The following CDH17 variants were observed in gnomAD, a reference collection of about 807,000 sequenced individuals.
CDH17 encodes cadherin 17.
CDH17 carries 67 observed loss-of-function variants against 86.3 expected under a neutral mutation model. The ratio of observed to expected loss-of-function variants is 0.78; its 90% CI spans 0.64 to 0.95. CDH17 has a LOEUF of 0.95. CDH17 is among the 40% of genes least tolerant of loss of function. CDH17 has a pLI of 0.00. For synonymous variants in CDH17, 367 were observed against 366.4 expected, an observed-to-expected ratio of 1.00 and a Z score of -0.02; for missense variants, 993 against 1,017.6, an observed-to-expected ratio of 0.98 and a Z score of 0.33.
chr8:94,154,610 T>C (rs886324723), intron 12 of CDH17, among the ~76,000 whole-genome samples: 5 of 152,174 alleles, frequency 3.3e-5, no homozygotes, highest in Middle Eastern at 3.2e-3. Context: ...TTAACAGGGC[T>C]ACCCAAGAGT....
chr8:94,178,079 T>C (rs1691694047), intron 3 of CDH17, among the ~76,000 whole-genome samples: 1 of 152,180 alleles, frequency 6.6e-6, no homozygotes, highest in Non-Finnish European at 1.5e-5. Context: ...AATATGTCAT[T>C]TAGCACTTCT....
In CDH17 at chr8:94,200,532, CTTTTGTTTTTTTTTTTT is replaced by C. The variant is rs1563590291; in HGVS notation, c.-20-5844_-20-5828del. Among the ~76,000 whole-genome samples, 23 of 50,242 alleles carry C rather than the reference CTTTTGTTTTTTTTTTTT, an allele frequency of 4.6e-4. No homozygotes were observed. In the South Asian group the frequency reaches 0.013, roughly 28 times the overall value. The allele number at this position is 50,242 out of a possible 152,430, so 33.0% of individuals were successfully genotyped here. The stretch of plus-strand genomic sequence containing the variant: ...TAGATCAGAGGGTTATTATTATTAT[CTTTTGTTTTTTTTTTTT>C]TTTTTTTTTTTTTTTTTTTACAAAA... On this transcript the variant is annotated intron_variant, in intron 1 of 17. Coordinates refer to ENST00000027335, the MANE Select transcript of CDH17 (RefSeq NM_004063.4).
intron 15 of CDH17, among the ~76,000 whole-genome samples, chr8:94,145,596 T>C (rs1048588670): frequency 3.3e-5 from 5 of 152,212 alleles, no homozygotes; most frequent in Admixed American, 1.3e-4. Flanking sequence ...TAAAATTGTA[T>C]ACTTTGAATA....
chr8:94,217,123 T>G (rs556502551), intron 1 of CDH17: 7 of 152,088 alleles, frequency 4.6e-5, no homozygotes, highest in African/African-American at 1.7e-4. Context: ...ATAATAAGAA[T>G]AAAGCCTGAG....
chr8:94,172,326 T>C (rs2514812), intron 7 of CDH17, among the ~76,000 whole-genome samples: 116,277 of 151,186 alleles, frequency 0.77, 45,851 homozygotes, highest in African/African-American at 0.91. Flanking sequence ...TCCTTTTTTT[T>C]CCCTCCTGAA....
chr8:94,142,820 C>T (rs1486152476), intron 15 of CDH17, among the ~76,000 whole-genome samples: 1 of 152,146 alleles, frequency 6.6e-6, no homozygotes, highest in Non-Finnish European at 1.5e-5. Context: ...CATGAGAGTG[C>T]AGCAATTCAG....
chr8:94,177,134 G>A (rs1262788252), intron 4 of CDH17, among the ~76,000 whole-genome samples: 1 of 152,194 alleles, frequency 6.6e-6, no homozygotes, highest in Admixed American at 6.5e-5. Context: ...GAGAAAGAGA[G>A]GGAGACGGGT....
intron 1 of CDH17, among the ~76,000 whole-genome samples, chr8:94,199,304 A>G (rs1813860203): frequency 6.6e-6 from 1 of 151,902 alleles, no homozygotes; most frequent in Non-Finnish European, 1.5e-5. Flanking sequence ...AATAAACATG[A>G]TATATTAAAG....
At chr8:94,164,659 G>A (rs929318556) in intron 10 of CDH17, among the ~76,000 whole-genome samples, 2 of 152,194 alleles carry the variant, frequency 1.3e-5, no homozygotes, top group Admixed American at 6.5e-5. Flanking sequence ...ATGAAGCACA[G>A]TGTGAAACGT....
chr8:94,158,419 G>A (rs949468789), intron 12 of CDH17, among the ~76,000 whole-genome samples: 3 of 151,942 alleles, frequency 2.0e-5, no homozygotes, highest in Admixed American at 2.0e-4. Flanking sequence ...AACCACAAAT[G>A]GCCAAGTTAA....
chr8:94,141,823 C>G (rs1436898796), intron 15 of CDH17, among the ~76,000 whole-genome samples: 1 of 152,034 alleles, frequency 6.6e-6, no homozygotes, highest in African/African-American at 2.4e-5. Flanking sequence ...TCAATACAAT[C>G]TCAACAGGAT....
intron 13 of CDH17, among the ~76,000 whole-genome samples, chr8:94,149,138 G>C (rs1812810734): frequency 1.3e-5 from 2 of 152,154 alleles, no homozygotes. Flanking sequence ...ACAATGTGGT[G>C]TTTGTGCTTG....
At chr8:94,136,488 A>G (rs889121776) in intron 15 of CDH17, among the ~76,000 whole-genome samples, 2 of 152,170 alleles carry the variant, frequency 1.3e-5, no homozygotes, top group Non-Finnish European at 2.9e-5. Flanking sequence ...TTTCAGCTCT[A>G]TCAGGTCATT....
intron 3 of CDH17, among the ~76,000 whole-genome samples, chr8:94,180,311 C>T (rs1813453349): frequency 6.6e-6 from 1 of 151,536 alleles, no homozygotes; most frequent in Admixed American, 6.6e-5. Flanking sequence ...CAGAAAAACA[C>T]ATACATAATA....
intron 15 of CDH17, among the ~76,000 whole-genome samples, chr8:94,142,323 A>G (rs1812654276): frequency 6.6e-6 from 1 of 152,208 alleles, no homozygotes; most frequent in African/African-American, 2.4e-5. Flanking sequence ...ATAGCATTAT[A>G]CCTAAAAATA....
In CDH17 at chr8:94,127,437, A is replaced by G. The variant is rs188175989; in HGVS notation, c.*803T>C. On this transcript the variant is annotated 3_prime_UTR_variant, in exon 18 of 18. Transcript: ENST00000027335. ...TGAAGAATTTCAGCCAAAGAGCAACATGTCACATTGATTAAAGATGGTTAA... is the reference window on the plus strand; with the variant it reads ...TGAAGAATTTCAGCCAAAGAGCAACGTGTCACATTGATTAAAGATGGTTAA... 1 of 152,366 alleles carries G rather than the reference A, an allele frequency of 6.6e-6. No individual in the cohort carries two copies. Among genetic ancestry groups the G allele is most frequent in the East Asian group, 1.9e-4 (1 of 5,194 alleles). The allele number at this position is 152,366 out of a possible 1,614,324, so 9.4% of individuals were successfully genotyped here.
intron 9 of CDH17, among the ~76,000 whole-genome samples, chr8:94,166,514 G>A (rs1341045241): frequency 1.3e-5 from 2 of 152,212 alleles, no homozygotes; most frequent in Non-Finnish European, 2.9e-5. Context: ...GGGGGAAGAT[G>A]TAGCCTAGAA....
In CDH17 at chr8:94,146,163, C is replaced by A. The variant is rs537643053; in HGVS notation, c.1932G>T (p.Gly644=). The A allele has an allele frequency of 5.5e-5, 84 of 1,536,576 alleles. No homozygotes were observed. In the South Asian group the frequency reaches 9.5e-4, roughly 17 times the overall value. Residue 644 remains glycine, a synonymous_variant, in exon 15 of 18, where the codon GGG becomes GGT. Transcript: ENST00000027335. The part of the protein sequence containing the change: ...RVQVVATEVG[G]SSLSSVSEFH... Reference sequence around the variant, plus strand: ...ACTCTGACACAGAGCTCAAGGAAGACCCCCCTAAGGAATTGAATGATTGAA... The same window carrying A: ...ACTCTGACACAGAGCTCAAGGAAGAACCCCCTAAGGAATTGAATGATTGAA...
intron 11 of CDH17, among the ~76,000 whole-genome samples, chr8:94,160,738 A>C (rs1390652150): frequency 6.6e-6 from 1 of 152,226 alleles, no homozygotes; most frequent in African/African-American, 2.4e-5. Flanking sequence ...TAAGGGAGAC[A>C]ATGCATGTAA....
Sources: allele counts gnomAD v4.1 joint callset (sites outside exome capture counted in the v4.1 genomes callset), GRCh38; gene constraint gnomAD v4.1.1; transcripts MANE v1.5; gene names NCBI Gene and HGNC (gene_info 2026-07-23, HGNC 2026-07-21).